The following BIRC2 variants were observed in gnomAD, a reference collection of about 807,000 sequenced individuals.
BIRC2 encodes baculoviral IAP repeat-containing protein 2.
In BIRC2, 18 loss-of-function variants were observed where a neutral mutation model predicts 60.9. That is an observed-to-expected ratio of 0.30 (90% CI 0.20 to 0.44). BIRC2 has a LOEUF of 0.44. Among genes scored for constraint, BIRC2 ranks in the 20% least tolerant of loss-of-function variants. The pLI, the probability that BIRC2 is intolerant of heterozygous loss-of-function variation, is 1.00. For synonymous variants in BIRC2, 282 were observed against 247.7 expected (o/e 1.14, Z -1.30); for missense variants, 701 against 728.5 (o/e 0.96, Z 0.43).
chr11:102,355,707 A>G (rs773799711), intron 3 of BIRC2, among the ~76,000 whole-genome samples: 12 of 152,202 alleles, frequency 7.9e-5, no homozygotes, highest in Non-Finnish European at 2.9e-5. Flanking sequence ...TGTTATGGGT[A>G]GTATGAACAT....
intron 6 of BIRC2, among the ~76,000 whole-genome samples, chr11:102,376,665 C>T (rs947471927): frequency 4.0e-5 from 6 of 151,850 alleles, no homozygotes; most frequent in African/African-American, 1.5e-4. Flanking sequence ...AAAGGAAAAA[C>T]ATTGGCTTTT....
rs1951322289 is a variant in BIRC2 at position 102,349,015 on chromosome 11, A to T, written c.-840A>T. 6.5e-6 allele frequency: 1 copy of T among 154,092 alleles called. No homozygotes were observed. The allele number at this position is 154,092 out of a possible 1,614,324, so 9.5% of individuals were successfully genotyped here. ...GGCTAACTAAGTTTATGGAGAAAAT[A>T]CCTTCAGTTGATCAAGAATAATAGT... On this transcript the variant is annotated 5_prime_UTR_variant, in exon 2 of 9. Transcript: ENST00000227758.
rs1421794166 is a variant in BIRC2, at chr11:102,347,280, AGCGGGCCGT to A, written c.-1353_-1345del. 5 of 152,258 alleles carry A rather than the reference AGCGGGCCGT, an allele frequency of 3.3e-5. No individual in the cohort carries two copies. Among genetic ancestry groups the A allele is most frequent in the Admixed American group, 3.3e-4 (5 of 15,286 alleles). 9.4% of individuals were successfully genotyped at this position (152,258 alleles called of 1,614,324 possible). Reference sequence around the variant, plus strand: ...GGAGCGCCCGGGCTGATCCGAGCCGAGCGGGCCGTATCTCCTTGTCGGCGCCGCTGATTC... The same window carrying A: ...GGAGCGCCCGGGCTGATCCGAGCCGAATCTCCTTGTCGGCGCCGCTGATTC... On this transcript the variant is annotated 5_prime_UTR_variant, in exon 1 of 9. Transcript: ENST00000227758.
chr11:102,358,579 G>C (rs12270109), intron 3 of BIRC2, among the ~76,000 whole-genome samples: 13,429 of 152,100 alleles, frequency 0.088, 763 homozygotes, highest in African/African-American at 0.14. Flanking sequence ...AAGTCTTCTA[G>C]TATTATTGTG....
intron 3 of BIRC2, among the ~76,000 whole-genome samples, chr11:102,357,118 T>G (rs1379630468): frequency 6.6e-6 from 1 of 152,242 alleles, no homozygotes; most frequent in Non-Finnish European, 1.5e-5. Context: ...TGCTAGTATT[T>G]GTTGAGGATT....
chr11:102,363,122 T>G, intron 4 of BIRC2, 148 bp downstream of exon 4: 1 of 530,220 alleles, frequency 1.9e-6, no homozygotes, highest in Non-Finnish European at 3.3e-6. Context: ...ATATTAGAAG[T>G]TATGCTTATT....
chr11:102,350,364 TTCA>T lies in BIRC2; in HGVS notation c.513_515del (p.Ser172del). 1 of 1,614,180 alleles carries T rather than the reference TTCA, an allele frequency of 6.2e-7. No individual in the cohort carries two copies. The highest frequency in any genetic ancestry group is 8.5e-7 in the Non-Finnish European group (1 of 1,180,004). On this transcript the variant is annotated inframe_deletion, in exon 2 of 9. Transcript: ENST00000227758. ...ATTCTAGAGCAGTTGAAGACATCTCTTCATCGAGGACTAACCCCTACAGTTATG... is the reference window on the plus strand; with the variant it reads ...ATTCTAGAGCAGTTGAAGACATCTCTTCGAGGACTAACCCCTACAGTTATG...
chr11:102,352,224 C>T (rs1352633215), intron 3 of BIRC2, among the ~76,000 whole-genome samples: 1 of 151,832 alleles, frequency 6.6e-6, no homozygotes, highest in Non-Finnish European at 1.5e-5. Flanking sequence ...CGCCATTCTC[C>T]TGCCTCAGCC....
At chr11:102,368,061 C>A (rs1951573427) in intron 5 of BIRC2, among the ~76,000 whole-genome samples, 1 of 152,152 alleles carries the variant, frequency 6.6e-6, no homozygotes, top group African/African-American at 2.4e-5. Flanking sequence ...GAGAATCTTT[C>A]ATTAAGTAAG....
intron 6 of BIRC2, among the ~76,000 whole-genome samples, chr11:102,375,608 G>C (rs778445721): frequency 6.6e-6 from 1 of 151,976 alleles, no homozygotes; most frequent in Non-Finnish European, 1.5e-5. Flanking sequence ...ATGAAACCCC[G>C]TCTTGACTAA....
At position 102,363,656 on chromosome 11, in the gene BIRC2, C is replaced by T. The variant is rs1460733001; in HGVS notation, c.1075-12C>T. 7.5e-6 allele frequency: 12 copies of T among 1,609,646 alleles called. No individual in the cohort carries two copies. Among genetic ancestry groups the T allele is most frequent in the Non-Finnish European group, 1.0e-5 (12 of 1,176,758 alleles). ...TCTGCTTTTACCTATTAACTTTTCT[C>T]TTGTTTCATAGCTGTTGTCAACTTC... On this transcript the variant is annotated splice_polypyrimidine_tract_variant and intron_variant, in intron 4 of 8. Coordinates refer to ENST00000227758, the MANE Select transcript of BIRC2 (RefSeq NM_001166.5).
intron 6 of BIRC2, among the ~76,000 whole-genome samples, chr11:102,373,068 C>G (rs374449214): frequency 6.7e-6 from 1 of 149,844 alleles, no homozygotes; most frequent in Non-Finnish European, 1.5e-5. Context: ...TGTCTCTGCA[C>G]GTGAGATGGG....
In BIRC2 at chr11:102,350,226, C is replaced by T. The variant is rs142696464; in HGVS notation, c.372C>T (p.Thr124=). ...QNLVSASLGS[T]SKNTSPMRNS... is the part of the protein sequence containing the mutation. The stretch of plus-strand genomic sequence containing the variant: ...TGGTTTCAGCTAGTCTGGGATCCAC[C>T]TCTAAGAATACGTCTCCAATGAGAA... The change falls in exon 2 of 9, where the codon ACC becomes ACT. Residue 124 remains threonine (T), a synonymous_variant. Transcript: ENST00000227758. 5.5e-5 allele frequency: 89 copies of T among 1,614,216 alleles called. No individual in the cohort carries two copies. In the African/African-American group the frequency reaches 8.7e-4, roughly 16 times the overall value.
rs764181949 is a variant in BIRC2, at chr11:102,362,853, A to G, written c.996-43A>G. Reference sequence around the variant, plus strand: ...TTCTAGAATGATCAGGTTATATTTGATATGAAACAATTTTAAAAAATAATT... The same window carrying G: ...TTCTAGAATGATCAGGTTATATTTGGTATGAAACAATTTTAAAAAATAATT... On this transcript the variant is annotated intron_variant, in intron 3 of 8. Coordinates refer to ENST00000227758, the MANE Select transcript of BIRC2 (RefSeq NM_001166.5). 6.2e-6 allele frequency: 9 copies of G among 1,444,584 alleles called. No homozygotes were observed. The African/African-American group carries it at 1.1e-4, about 18-fold the overall frequency. The allele number at this position is 1,444,584 out of a possible 1,614,324, so 89.5% of individuals were successfully genotyped here.
At chr11:102,354,944 G>GTTTTTTTTTTTTTT (rs61520984) in intron 3 of BIRC2, among the ~76,000 whole-genome samples, 2 of 89,648 alleles carry the variant, frequency 2.2e-5, no homozygotes, top group African/African-American at 8.7e-5. Flanking sequence ...AATTATTTGG[G>GTTTTTTTTTTTTTT]TTTTTTTTTT....
chr11:102,351,009 A>G (rs768708960), intron 3 of BIRC2, 66 bp downstream of exon 3: 20 of 1,451,136 alleles, frequency 1.4e-5, no homozygotes, highest in Non-Finnish European at 1.7e-5. Flanking sequence ...GCATGCCTAC[A>G]TGATTTTGTT....
intron 8 of BIRC2, 34 bp from the exon 9 acceptor site, chr11:102,377,955 GA>G: frequency 6.3e-7 from 1 of 1,598,674 alleles, no homozygotes; most frequent in Non-Finnish European, 8.5e-7. Context: ...TAATGAAGTG[GA>G]AACAATTTCA....
At chr11:102,375,459 T>C (rs1323445974) in intron 6 of BIRC2, among the ~76,000 whole-genome samples, 1 of 152,292 alleles carries the variant, frequency 6.6e-6, no homozygotes, top group East Asian at 1.9e-4. Context: ...AAGTCTGGAC[T>C]TCTACATTGA....
At chr11:102,360,253 A>C (rs928447339) in intron 3 of BIRC2, among the ~76,000 whole-genome samples, 9 of 152,106 alleles carry the variant, frequency 5.9e-5, no homozygotes, top group Non-Finnish European at 1.0e-4. Flanking sequence ...GGTGTGAGCC[A>C]TCGTGCCTGG....
Sources: allele counts gnomAD v4.1 joint callset (sites outside exome capture counted in the v4.1 genomes callset), GRCh38; gene constraint gnomAD v4.1.1; transcripts MANE v1.5; gene names NCBI Gene and HGNC (gene_info 2026-07-23, HGNC 2026-07-21).